USP37: variants seen among roughly 807,000 people sequenced by gnomAD.
The protein encoded by USP37 is ubiquitin specific peptidase 37.
A neutral mutation model predicts 124.0 loss-of-function variants in USP37; 27 were observed. The ratio of observed to expected loss-of-function variants is 0.22; its 90% confidence interval spans 0.16 to 0.30. USP37 has a LOEUF of 0.30. Among genes scored for constraint, USP37 ranks in the 10% least tolerant of loss-of-function variants. The pLI is 1.00. For missense variants in USP37, 889 were observed against 1,140.4 expected, an observed-to-expected ratio of 0.78 and a Z score of 3.17; for synonymous variants, 365 against 388.0, an observed-to-expected ratio of 0.94 and a Z score of 0.70.
At chr2:218,489,896 T>C (rs1402265913) in intron 14 of USP37, among the ~76,000 whole-genome samples, 1 of 152,254 alleles carries the variant, frequency 6.6e-6, no homozygotes, top group Non-Finnish European at 1.5e-5. Flanking sequence ...TTGTTCAGCA[T>C]GATTGTAATA....
intron 10 of USP37, among the ~76,000 whole-genome samples, chr2:218,512,071 G>A (rs1210666366): frequency 6.6e-6 from 1 of 152,068 alleles, no homozygotes; most frequent in Non-Finnish European, 1.5e-5. Context: ...GTTAGTGGCT[G>A]TTTGGTTTGG....
intron 16 of USP37, among the ~76,000 whole-genome samples, chr2:218,484,853 A>C (rs184261111): frequency 4.1e-4 from 63 of 152,312 alleles, no homozygotes; most frequent in African/African-American, 1.4e-3. Context: ...TTTGCGATCT[A>C]TTCTTGGAAA....
At chr2:218,474,952 T>C in intron 19 of USP37, 67 bp from the exon 20 acceptor site, 2 of 1,484,758 alleles carry the variant, frequency 1.3e-6, no homozygotes, top group Non-Finnish European at 9.0e-7. Flanking sequence ...TAATTAGTAT[T>C]TAAAGTAGCA....
intron 11 of USP37, among the ~76,000 whole-genome samples, chr2:218,505,885 CAA>C (rs1419384165): frequency 2.0e-5 from 3 of 150,750 alleles, no homozygotes; most frequent in African/African-American, 2.4e-5. Flanking sequence ...TTTTTTGAGA[CAA>C]AGTCTTGCTC....
chr2:218,504,438 A>ATGT (rs1689570988), intron 11 of USP37, among the ~76,000 whole-genome samples: 3 of 152,088 alleles, frequency 2.0e-5, no homozygotes, highest in African/African-American at 4.8e-5. Flanking sequence ...TTATTATTTT[A>ATGT]TGTTAGAGAC....
At chr2:218,508,010 G>A (rs1689769666) in intron 11 of USP37, among the ~76,000 whole-genome samples, 1 of 152,108 alleles carries the variant, frequency 6.6e-6, no homozygotes, top group African/African-American at 2.4e-5. Context: ...GAATCCCTTA[G>A]GCTCCCTTCC....
chr2:218,463,268 T>A lies in USP37; in HGVS notation c.2527+38A>T, dbSNP rs753700689. 5 of 1,582,494 alleles carry A rather than the reference T, an allele frequency of 3.2e-6. No individual in the cohort carries two copies. In the Admixed American group the frequency reaches 6.7e-5, roughly 21 times the overall value. On this transcript the variant is annotated intron_variant, in intron 22 of 25. Coordinates refer to ENST00000258399, the MANE Select transcript of USP37 (RefSeq NM_020935.3). ...GTTCTTCTATGTGTGAATGGTAATT[T>A]TACCATTAAAAAAATGTAATTAAAA...
intron 11 of USP37, among the ~76,000 whole-genome samples, chr2:218,508,457 A>G (rs1313069817): frequency 2.6e-5 from 4 of 152,126 alleles, no homozygotes; most frequent in Middle Eastern, 3.2e-3. Context: ...GTGGCAACTC[A>G]CAAGGCTCTC....
chr2:218,463,828 C>A (rs1690163031), intron 21 of USP37, among the ~76,000 whole-genome samples: 2 of 150,142 alleles, frequency 1.3e-5, no homozygotes, highest in Admixed American at 6.7e-5. Flanking sequence ...AGCCACTGCG[C>A]CCGGCCCACT....
intron 3 of USP37, among the ~76,000 whole-genome samples, chr2:218,559,900 A>G (rs1693221783): frequency 1.3e-5 from 2 of 152,078 alleles, no homozygotes; most frequent in Non-Finnish European, 2.9e-5. Flanking sequence ...GGATCACCTG[A>G]GCCAGGGAGG....
intron 8 of USP37, among the ~76,000 whole-genome samples, chr2:218,545,416 T>G (rs545179): frequency 0.99 from 150,847 of 152,312 alleles, 74,715 homozygotes; most frequent in Middle Eastern, 1. Context: ...TGCTTATTAA[T>G]TAAGGATGGC....
intron 4 of USP37, among the ~76,000 whole-genome samples, chr2:218,554,131 A>C (rs1200546436): frequency 6.6e-6 from 1 of 152,136 alleles, no homozygotes; most frequent in Non-Finnish European, 1.5e-5. Context: ...CTACCCCTTC[A>C]TTTTCTGATG....
intron 20 of USP37, among the ~76,000 whole-genome samples, chr2:218,467,476 G>A (rs904613671): frequency 6.6e-6 from 1 of 152,086 alleles, no homozygotes; most frequent in Non-Finnish European, 1.5e-5. Flanking sequence ...AGCCTTCCGC[G>A]TAGCTGGGAT....
At chr2:218,497,908 A>G (rs1381643778) in intron 12 of USP37, 51 bp from the exon 13 acceptor site, 20 of 1,589,996 alleles carry the variant, frequency 1.3e-5, no homozygotes, top group Non-Finnish European at 1.7e-5. Flanking sequence ...ACATGGCGTG[A>G]TATTTTAAAG....
At chr2:218,556,661 C>T (rs1330355971) in intron 4 of USP37, among the ~76,000 whole-genome samples, 1 of 151,470 alleles carries the variant, frequency 6.6e-6, no homozygotes, top group Non-Finnish European at 1.5e-5. Flanking sequence ...ATACAGGTGC[C>T]CACTACCGTG....
intron 4 of USP37, among the ~76,000 whole-genome samples, chr2:218,557,571 A>C (rs894497983): frequency 4.6e-5 from 7 of 150,994 alleles, no homozygotes; most frequent in African/African-American, 1.7e-4. Flanking sequence ...CATAAAGTTA[A>C]ATATTGTTTT....
At chr2:218,490,777 C>T (rs1316704611) in intron 14 of USP37, among the ~76,000 whole-genome samples, 3 of 152,124 alleles carry the variant, frequency 2.0e-5, no homozygotes, top group African/African-American at 7.2e-5. Context: ...TTTTACCTGG[C>T]CCAAAGGAAT....
chr2:218,486,622 C>T (rs1421604504), intron 15 of USP37, among the ~76,000 whole-genome samples: 3 of 152,140 alleles, frequency 2.0e-5, no homozygotes, highest in Non-Finnish European at 2.9e-5. Context: ...AGGGTTTTGC[C>T]GTGTTGGCCA....
intron 4 of USP37, among the ~76,000 whole-genome samples, chr2:218,556,160 C>T (rs1289735925): frequency 6.6e-6 from 1 of 152,184 alleles, no homozygotes; most frequent in East Asian, 1.9e-4. Flanking sequence ...TGGTTCCTAC[C>T]TAGCTCTTCA....
Sources: gnomAD v4.1 joint callset for allele counts (sites outside exome capture counted in the v4.1 genomes callset) on GRCh38, gnomAD v4.1.1 for gene constraint, MANE v1.5 for transcripts, NCBI Gene and HGNC (gene_info 2026-07-23, HGNC 2026-07-21) for gene names.